MYO9B: variants seen among roughly 807,000 people sequenced by gnomAD.
MYO9B encodes the protein myosin IXB.
A neutral mutation model predicts 229.5 loss-of-function variants in MYO9B; 71 were observed. The ratio of observed to expected loss-of-function variants is 0.31; its 90% confidence interval spans 0.26 to 0.38. The LOEUF (loss-of-function observed/expected upper bound fraction) is 0.38, where lower values mean the gene tolerates loss of function less well. MYO9B is among the 10% of genes least tolerant of loss of function. The pLI is 1.00. For missense variants in MYO9B, 2,255 were observed against 2,920.5 expected (o/e 0.77, Z 5.25); for synonymous variants, 1,185 against 1,235.8 (o/e 0.96, Z 0.86).
In MYO9B at chr19:17,206,708, G is replaced by A; in HGVS notation, c.5416G>A (p.Ala1806Thr). The A allele has an allele frequency of 6.3e-7, 1 of 1,584,756 alleles. No homozygotes were observed. Among genetic ancestry groups the A allele is most frequent in the South Asian group, 1.2e-5 (1 of 86,334 alleles). Reference sequence around the variant, plus strand: ...GCCGGAGAAGCAGGAGCAGCTGGCTGCCATCTATGCCGTCCTGGAGCACCT... The same window carrying A: ...GCCGGAGAAGCAGGAGCAGCTGGCTACCATCTATGCCGTCCTGGAGCACCT... ...ELPEKQEQLAAIYAVLEHLPE... is the reference protein window; with the variant it reads ...ELPEKQEQLATIYAVLEHLPE... Residue 1806 changes from alanine (A) to threonine (T), a missense_variant, in exon 34 of 40, where the codon GCC becomes ACC. Ala to Thr is a moderately conservative substitution (Grantham distance 58, BLOSUM62 0). This residue lies in a region of MYO9B where 416 missense variants were observed against 605.5 expected (regional missense o/e 0.69). Coordinates refer to ENST00000682292, the MANE Select transcript of MYO9B (RefSeq NM_004145.4).
At chr19:17,111,126 G>C (rs879808101) in intron 2 of MYO9B, among the ~76,000 whole-genome samples, 8 of 152,112 alleles carry the variant, frequency 5.3e-5, no homozygotes, top group African/African-American at 2.4e-5. Context: ...TGAGTCTGTC[G>C]GGCAAGACAC....
At position 17,142,614 on chromosome 19, in the gene MYO9B, T is replaced by C. The variant is rs73928488; in HGVS notation, c.841-2783T>C. The stretch of plus-strand genomic sequence containing the variant: ...AAAACTCCTGCCACAAAGAGCCCGA[T>C]AGGCAATATTTGCACCTTCGCAGAC... On this transcript the variant is annotated intron_variant, in intron 2 of 39. Coordinates refer to ENST00000682292, the MANE Select transcript of MYO9B (RefSeq NM_004145.4). Among the ~76,000 whole-genome samples, 973 of 152,194 alleles carry C rather than the reference T, an allele frequency of 6.4e-3. 6 individuals carry two copies. The highest frequency in any genetic ancestry group is 0.022 in the African/African-American group (912 of 41,530).
intron 1 of MYO9B, among the ~76,000 whole-genome samples, chr19:17,092,873 T>C (rs1326307378): frequency 2.0e-5 from 3 of 152,198 alleles, no homozygotes; most frequent in Non-Finnish European, 4.4e-5. Flanking sequence ...GTGCTGTGTT[T>C]ATATGAGCAT....
rs776053526 is a variant in MYO9B, at chr19:17,197,839, C to T, written c.4094C>T (p.Pro1365Leu). Residue 1365 changes from proline (P) to leucine (L), a missense_variant, in exon 23 of 40, where the codon CCG (proline) becomes CTG (leucine). By Grantham distance (98) the Pro-to-Leu change is moderately conservative. Coordinates refer to ENST00000682292, the MANE Select transcript of MYO9B (RefSeq NM_004145.4). ...ACGAGCGACGTCTCCAAGCTCCTCC[C>T]GTCCCTGGCCAAGGCTCAGGTAACA... Reference protein sequence around the residue: ...FSTSDVSKLLPSLAKAQPAAE... With the variant: ...FSTSDVSKLLLSLAKAQPAAE... 120 of 1,613,344 alleles carry T rather than the reference C, an allele frequency of 7.4e-5. No individual in the cohort carries two copies. The highest frequency in any genetic ancestry group is 3.4e-4 in the Middle Eastern group (2 of 5,818).
chr19:17,192,393 G>A lies in MYO9B; in HGVS notation c.2812-353G>A, dbSNP rs367753656. ...GCAGATCACTTGAGGTTGGGAGTTC[G>A]AGACCAGCCTGGCCAACATGGTGAA... On this transcript the variant is annotated intron_variant, in intron 20 of 39. Transcript: ENST00000682292. Among the ~76,000 whole-genome samples, 25 of 151,522 alleles carry A rather than the reference G, an allele frequency of 1.6e-4. No homozygotes were observed. In the East Asian group the frequency reaches 1.8e-3, roughly 11 times the overall value.
chr19:17,145,536 CA>C (rs2072398714), intron 3 of MYO9B, 45 bp downstream of exon 3: 3 of 1,488,676 alleles, frequency 2.0e-6, no homozygotes, highest in African/African-American at 1.4e-5. Flanking sequence ...TGGCCCCACG[CA>C]CTGTTGCTTC....
Position 17,206,324 on chromosome 19 carries a change from G to A in MYO9B, c.5334G>A (p.Leu1778=). The A allele has an allele frequency of 1.2e-6, 2 of 1,609,052 alleles. No homozygotes were observed. The highest frequency in any genetic ancestry group is 1.7e-6 in the Non-Finnish European group (2 of 1,179,096). The change falls in exon 33 of 40, where the codon CTG becomes CTA. Residue 1778 remains leucine, a synonymous_variant. Transcript: ENST00000682292. The part of the protein sequence containing the change: ...TGVLKQWLRE[L]PEPLMTFAQY... ...TGCTGAAGCAGTGGCTGCGGGAGCT[G>A]CCCGAGCCCCTCATGACCTTCGCAC...
intron 2 of MYO9B, among the ~76,000 whole-genome samples, chr19:17,137,879 A>T (rs1356586954): frequency 6.7e-6 from 1 of 149,504 alleles, no homozygotes; most frequent in Non-Finnish European, 1.5e-5. Flanking sequence ...AACTGGAACT[A>T]CAGGCACCCA....
rs59440394 is a variant in MYO9B, at chr19:17,090,118, C to CTTTTTTTTTTTTTTTTTTT, written c.-58-11517_-58-11499dup. 1.2e-4 allele frequency among the ~76,000 whole-genome samples: 6 copies of CTTTTTTTTTTTTTTTTTTT among 49,236 alleles called. 2 individuals carry two copies. Among genetic ancestry groups the CTTTTTTTTTTTTTTTTTTT allele is most frequent in the Admixed American group, 3.2e-4 (1 of 3,172 alleles). The allele number at this position is 49,236 out of a possible 152,430, so 32.3% of individuals were successfully genotyped here. On this transcript the variant is annotated intron_variant, in intron 1 of 39. Transcript: ENST00000682292. ...TATAGCATGAATCGGTGCTTCCTTCCTTTTTTTTTTTTTTTTTTTTTTTTT... is the reference window on the plus strand; with the variant it reads ...TATAGCATGAATCGGTGCTTCCTTCCTTTTTTTTTTTTTTTTTTTTTTTTTTTTTTTTTTTTTTTTTTTT...
intron 15 of MYO9B, 96 bp downstream of exon 15, chr19:17,181,136 C>T (rs1003175549): frequency 1.2e-5 from 10 of 811,896 alleles, no homozygotes; most frequent in South Asian, 1.8e-5. Flanking sequence ...TAATTTGCAT[C>T]GGCCACTAAA....
At chr19:17,086,040 G>A (rs1445475029) in intron 1 of MYO9B, among the ~76,000 whole-genome samples, 8 of 152,166 alleles carry the variant, frequency 5.3e-5, no homozygotes, top group Admixed American at 6.5e-5. Context: ...CCAGGCCACT[G>A]TCAGCTCCCG....
chr19:17,139,908 G>A (rs2072316804), intron 2 of MYO9B, among the ~76,000 whole-genome samples: 1 of 152,110 alleles, frequency 6.6e-6, no homozygotes, highest in Non-Finnish European at 1.5e-5. Context: ...GGGTGTGGTG[G>A]TGCATGCCTG....
intron 4 of MYO9B, among the ~76,000 whole-genome samples, chr19:17,153,595 C>A (rs1002237718): frequency 1.1e-4 from 16 of 151,362 alleles, no homozygotes; most frequent in African/African-American, 3.9e-4. Context: ...ACTCAGGAGG[C>A]CGAGCTGGGA....
rs56318210 is a variant in MYO9B at position 17,212,865 on chromosome 19, A to T, written c.*555A>T. 0.072 allele frequency: 10,953 copies of T among 152,364 alleles called. 436 individuals are homozygous for T. The highest frequency in any genetic ancestry group is 0.081 in the African/African-American group (3,376 of 41,500). 9.4% of individuals were successfully genotyped at this position (152,364 alleles called of 1,614,324 possible). The stretch of plus-strand genomic sequence containing the variant: ...GTCACCTGACCCGTGCCTCTCTGAC[A>T]CATGTCTCCGGGGGGCAGCCACCTG... On this transcript the variant is annotated 3_prime_UTR_variant, in exon 40 of 40. Transcript: ENST00000682292. The surrounding 1 kb of genome is among the most constrained non-coding windows in gnomAD (Gnocchi z 5.4).
At chr19:17,103,049 T>C in intron 2 of MYO9B, among the ~76,000 whole-genome samples, 1 of 130,484 alleles carries the variant, frequency 7.7e-6, no homozygotes, top group Non-Finnish European at 1.6e-5. Flanking sequence ...AGGCCCCCTC[T>C]CTACAAAAAA....
intron 2 of MYO9B, among the ~76,000 whole-genome samples, chr19:17,132,933 C>T (rs777278656): frequency 5.3e-5 from 8 of 151,364 alleles, no homozygotes; most frequent in Non-Finnish European, 7.4e-5. Context: ...CTGCAAGCTC[C>T]ACCTCCCAGG....
At chr19:17,126,649 CTTTTGACTTTTTTT>C in intron 2 of MYO9B, among the ~76,000 whole-genome samples, 1 of 149,806 alleles carries the variant, frequency 6.7e-6, no homozygotes, top group Non-Finnish European at 1.5e-5. Context: ...ATCAAGAGAT[CTTTTGACTTTTTTT>C]TTTCTTTTTT....
At chr19:17,200,615 C>T (rs370931552) in intron 25 of MYO9B, 24 bp from the exon 26 acceptor site, 52 of 1,594,260 alleles carry the variant, frequency 3.3e-5, no homozygotes, top group African/African-American at 8.0e-5. Context: ...CCACCCTCAC[C>T]GGCTGCTTCC....
intron 7 of MYO9B, chr19:17,157,264 T>C (rs1254675237): frequency 1.0e-5 from 5 of 493,530 alleles, no homozygotes; most frequent in Non-Finnish European, 1.7e-5. Flanking sequence ...TCTTTAAAAC[T>C]ACAGCTCAGG....
Sources: gnomAD v4.1 joint callset for allele counts (sites outside exome capture counted in the v4.1 genomes callset) on GRCh38, gnomAD v4.1.1 for gene constraint, gnomAD v4.1.1 regional missense constraint, Gnocchi (gnomAD v3.1) non-coding constraint, MANE v1.5 for transcripts, NCBI Gene and HGNC (gene_info 2026-07-23, HGNC 2026-07-21) for gene names.